CSRNP3: variants seen among roughly 807,000 people sequenced by gnomAD.
CSRNP3 encodes the protein cysteine/serine-rich nuclear protein 3.
In CSRNP3, 12 loss-of-function variants were observed where a neutral mutation model predicts 48.0. The ratio of observed to expected loss-of-function variants is 0.25; its 90% CI spans 0.16 to 0.41. The LOEUF (loss-of-function observed/expected upper bound fraction) is 0.41, where lower values mean the gene tolerates loss of function less well. Ranked by LOEUF, CSRNP3 falls within the 10% of genes least tolerant of loss-of-function variation. The pLI is 1.00. For synonymous variants in CSRNP3, 263 were observed against 269.7 expected, an observed-to-expected ratio of 0.98 and a Z score of 0.24; for missense variants, 580 against 724.4, an observed-to-expected ratio of 0.80 and a Z score of 2.29.
In CSRNP3 at chr2:165,680,844, C is replaced by T. The variant is rs1687523534; in HGVS notation, c.*1091C>T. 6.6e-6 allele frequency: 1 copy of T among 152,132 alleles called. No homozygotes were observed. The highest frequency in any genetic ancestry group is 1.5e-5 in the Non-Finnish European group (1 of 68,026). 9.4% of individuals were successfully genotyped at this position (152,132 alleles called of 1,614,324 possible). The stretch of plus-strand genomic sequence containing the variant: ...GTAAATGCAGAGGAGGCTGAGGAAA[C>T]ATGGAAGAGACACGACCTCAGCAAC... On this transcript the variant is annotated 3_prime_UTR_variant, in exon 7 of 7. Coordinates refer to ENST00000651982, the MANE Select transcript of CSRNP3 (RefSeq NM_001172173.2).
intron 4 of CSRNP3, among the ~76,000 whole-genome samples, chr2:165,624,142 A>AAAGG (rs1188444372): frequency 1.3e-5 from 2 of 152,310 alleles, no homozygotes; most frequent in Admixed American, 1.3e-4. Flanking sequence ...TAGAATTTTG[A>AAAGG]AAGGAAGGAA....
chr2:165,632,434 A>G (rs1686553891), intron 4 of CSRNP3, among the ~76,000 whole-genome samples: 1 of 152,126 alleles, frequency 6.6e-6, no homozygotes, highest in African/African-American at 2.4e-5. Context: ...GCTTGAGCCC[A>G]GGAGTTTGAA....
intron 4 of CSRNP3, among the ~76,000 whole-genome samples, chr2:165,632,034 T>C (rs1464096746): frequency 6.6e-6 from 1 of 152,254 alleles, no homozygotes; most frequent in Non-Finnish European, 1.5e-5. Context: ...GCAGAATTTT[T>C]ACAGTTTCTG....
chr2:165,508,058 T>C (rs1187622765), intron 2 of CSRNP3, among the ~76,000 whole-genome samples: 2 of 151,980 alleles, frequency 1.3e-5, no homozygotes, highest in Non-Finnish European at 2.9e-5. Flanking sequence ...GCTAACCAAT[T>C]ATGTAAAGGT....
In CSRNP3 at chr2:165,667,052, A is replaced by AAGAAAGAGAG. The variant is rs1687241286; in HGVS notation, c.408+9034_408+9035insAAAGAGAGAG. On this transcript the variant is annotated intron_variant, in intron 5 of 6. Transcript: ENST00000651982. ...AGAGGAAGAAAGAAAGAGAGAGAGA[A>AAGAAAGAGAG]AGGAAGGAAGGAAGGAAAGAGAGAG... Among the ~76,000 whole-genome samples, 6 of 16,864 alleles carry AAGAAAGAGAG rather than the reference A, an allele frequency of 3.6e-4. 1 individual carries two copies. The highest frequency in any genetic ancestry group is 1.6e-3 in the Admixed American group (2 of 1,230). The allele number at this position is 16,864 out of a possible 152,430, so 11.1% of individuals were successfully genotyped here. A position where few individuals can be genotyped will look rare whatever the true frequency, so the allele number is the denominator to read the frequency against.
rs1004685811 is a variant in CSRNP3 at position 165,681,738 on chromosome 2, T to A, written c.*1985T>A. The A allele has an allele frequency of 1.2e-5, 1 of 83,756 alleles. No individual in the cohort carries two copies. The highest frequency in any genetic ancestry group is 2.7e-5 in the Non-Finnish European group (1 of 36,636). 5.2% of individuals were successfully genotyped at this position (83,756 alleles called of 1,614,324 possible). ...AATCTCAAATATACATATATATATA[T>A]ATATATATATATATATATATATACA... On this transcript the variant is annotated 3_prime_UTR_variant, in exon 7 of 7. Transcript: ENST00000651982.
chr2:165,478,536 T>C (rs1266383064), intron 1 of CSRNP3, among the ~76,000 whole-genome samples: 2 of 152,244 alleles, frequency 1.3e-5, no homozygotes, highest in Non-Finnish European at 2.9e-5. Flanking sequence ...ATCTGGAAAC[T>C]ACTCCTTTAC....
At chr2:165,472,776 A>G (rs1310852994) in intron 1 of CSRNP3, among the ~76,000 whole-genome samples, 2 of 152,098 alleles carry the variant, frequency 1.3e-5, no homozygotes, top group Non-Finnish European at 2.9e-5. Context: ...TATTAACCTT[A>G]GTCTATTAGA....
chr2:165,508,328 C>A (rs926670083), intron 2 of CSRNP3, among the ~76,000 whole-genome samples: 3 of 152,006 alleles, frequency 2.0e-5, no homozygotes, highest in Admixed American at 1.3e-4. Flanking sequence ...AAATTGTGAG[C>A]CCCATGTCCA....
intron 4 of CSRNP3, among the ~76,000 whole-genome samples, chr2:165,637,909 T>C (rs1686658142): frequency 6.6e-6 from 1 of 152,222 alleles, no homozygotes; most frequent in Admixed American, 6.5e-5. Flanking sequence ...TTTTAAAATG[T>C]ACTATTATAT....
At chr2:165,567,140 C>T (rs1193593587) in intron 3 of CSRNP3, among the ~76,000 whole-genome samples, 2 of 152,006 alleles carry the variant, frequency 1.3e-5, no homozygotes, top group African/African-American at 4.8e-5. Flanking sequence ...TTTAAACCTG[C>T]TCAGTTCATA....
At chr2:165,482,327 G>A (rs1404931722) in intron 1 of CSRNP3, among the ~76,000 whole-genome samples, 1 of 150,214 alleles carries the variant, frequency 6.7e-6, no homozygotes, top group South Asian at 2.1e-4. Context: ...GCAGTGGAAT[G>A]ATCTTGAATC....
At chr2:165,657,642 G>C in intron 4 of CSRNP3, 119 bp from the exon 5 acceptor site, 2 of 1,187,366 alleles carry the variant, frequency 1.7e-6, no homozygotes, top group Non-Finnish European at 2.4e-6. Context: ...CAGTTTTAGA[G>C]TGCCCTAGCC....
intron 3 of CSRNP3, among the ~76,000 whole-genome samples, chr2:165,522,180 T>C (rs1177411627): frequency 6.6e-6 from 1 of 152,038 alleles, no homozygotes; most frequent in Non-Finnish European, 1.5e-5. Context: ...TAGTCCCAGC[T>C]ATTCAAGTGG....
At chr2:165,610,771 G>A (rs1262366899) in intron 4 of CSRNP3, among the ~76,000 whole-genome samples, 1 of 152,076 alleles carries the variant, frequency 6.6e-6, no homozygotes, top group Non-Finnish European at 1.5e-5. Context: ...TTGATTGACC[G>A]CATCAGGCTT....
At chr2:165,511,997 A>G (rs1684513582) in intron 2 of CSRNP3, among the ~76,000 whole-genome samples, 1 of 152,152 alleles carries the variant, frequency 6.6e-6, no homozygotes, top group South Asian at 2.1e-4. Context: ...GGGAAAGACT[A>G]GCATGATGAA....
chr2:165,604,356 G>T (rs1436545187), intron 4 of CSRNP3, among the ~76,000 whole-genome samples: 1 of 152,184 alleles, frequency 6.6e-6, no homozygotes, highest in African/African-American at 2.4e-5. Context: ...GCTTTGTAAA[G>T]TCTTGTCTTC....
At chr2:165,610,910 A>T (rs571255667) in intron 4 of CSRNP3, among the ~76,000 whole-genome samples, 1 of 152,298 alleles carries the variant, frequency 6.6e-6, no homozygotes, top group South Asian at 2.1e-4. Flanking sequence ...AGTCGCAACA[A>T]GTGTTTGCTT....
chr2:165,518,688 AC>A (rs1229723743), intron 3 of CSRNP3, among the ~76,000 whole-genome samples: 1 of 151,950 alleles, frequency 6.6e-6, no homozygotes, highest in Admixed American at 6.6e-5. Flanking sequence ...ATATTGTGGG[AC>A]CCAATATCAA....
Sources: gnomAD v4.1 joint callset for allele counts (sites outside exome capture counted in the v4.1 genomes callset) on GRCh38, gnomAD v4.1.1 for gene constraint, MANE v1.5 for transcripts, NCBI Gene and HGNC (gene_info 2026-07-23, HGNC 2026-07-21) for gene names.